The following IL16 variants were observed in gnomAD, a reference collection of about 807,000 sequenced individuals.
IL16 encodes the protein interleukin 16, also known as pro-interleukin-16.
A neutral mutation model predicts 110.1 loss-of-function variants in IL16; 67 were observed. The observed-to-expected ratio is 0.61, with a 90% CI of 0.50 to 0.75. The LOEUF is 0.75. Ranked by LOEUF, IL16 falls within the 30% of genes least tolerant of loss-of-function variation. The pLI is 0.00. For synonymous variants in IL16, 689 were observed against 662.9 expected (o/e 1.04, Z -0.61); for missense variants, 1,545 against 1,655.0 (o/e 0.93, Z 1.15).
At chr15:81,267,470 A>G (rs1898433194) in intron 4 of IL16, among the ~76,000 whole-genome samples, 1 of 127,196 alleles carries the variant, frequency 7.9e-6, no homozygotes, top group African/African-American at 3.3e-5. Flanking sequence ...ACGCAGACAC[A>G]CATACACAGA....
rs778809781 is a variant in IL16 at position 81,285,771 on chromosome 15, C to A, written c.1273C>A (p.Leu425Met). ...CLTLNEVYTI[L>M]SHCDPGPVPI... is the part of the protein sequence containing the mutation. ...GACGCTCAATGAAGTCTACACGATCCTGAGTCACTGTGATCCCGGTCCAGT... is the reference window on the plus strand; with the variant it reads ...GACGCTCAATGAAGTCTACACGATCATGAGTCACTGTGATCCCGGTCCAGT... Residue 425 changes from leucine (L) to methionine (M), a missense_variant, in exon 10 of 19, where the codon CTG becomes ATG. This residue lies in a region of IL16 where 1,185 missense variants were observed against 1,238.8 expected (regional missense o/e 0.96). Transcript: ENST00000683961. 6.2e-7 allele frequency: 1 copy of A among 1,614,148 alleles called. No individual in the cohort carries two copies. The highest frequency in any genetic ancestry group is 8.5e-7 in the Non-Finnish European group (1 of 1,179,984).
chr15:81,305,972 T>A lies in IL16; in HGVS notation c.3485T>A (p.Val1162Asp). The A allele has an allele frequency of 5.6e-6, 9 of 1,614,102 alleles. No individual in the cohort carries two copies. The highest frequency in any genetic ancestry group is 6.8e-6 in the Non-Finnish European group (8 of 1,180,016). The change falls in exon 17 of 19, where the codon GTT (valine) becomes GAT (aspartate). Residue 1162 changes from valine (V) to aspartate (D), a missense_variant. Around this residue, in one of 3 missense-constraint regions of IL16, gnomAD observed 356 missense variants for 399.3 expected, o/e 0.89. Coordinates refer to ENST00000683961, the MANE Select transcript of IL16 (RefSeq NM_172217.5). ...GGGACTATTCAGAAGGGCAATGAGG[T>A]TCTTTCCATCAACGGCAAGTCTCTC... ...QEGTIQKGNE[V>D]LSINGKSLKG...
In IL16 at chr15:81,313,329, T is replaced by G. The variant is rs867826017; in HGVS notation, c.*4531T>G. ...GGTCATGCTGCGGGGGAAGAAGGAGTCCACCACGTTCTGTGGGAGGTAACC... is the reference window on the plus strand; with the variant it reads ...GGTCATGCTGCGGGGGAAGAAGGAGGCCACCACGTTCTGTGGGAGGTAACC... On this transcript the variant is annotated 3_prime_UTR_variant, in exon 19 of 19. Transcript: ENST00000683961. 1.3e-6 allele frequency: 2 copies of G among 1,577,714 alleles called. No individual in the cohort carries two copies. The highest frequency in any genetic ancestry group is 3.3e-4 in the Middle Eastern group (2 of 5,996).
Position 81,313,598 on chromosome 15 carries a change from G to C in IL16, c.*4800G>C. The stretch of plus-strand genomic sequence containing the variant: ...TCAGGATGGAAACCCATCCTGTCGG[G>C]GATGCATTCCACAGCCTCTCCCGGC... On this transcript the variant is annotated 3_prime_UTR_variant, in exon 19 of 19. Transcript: ENST00000683961. 1 of 418,504 alleles carries C rather than the reference G, an allele frequency of 2.4e-6. No individual in the cohort carries two copies. Among genetic ancestry groups the C allele is most frequent in the Non-Finnish European group, 4.1e-6 (1 of 246,486 alleles). 25.9% of individuals were successfully genotyped at this position (418,504 alleles called of 1,614,324 possible).
chr15:81,301,470 ACTC>A lies in IL16; in HGVS notation c.3277_3279del (p.Leu1093del), dbSNP rs1555424436. 6.2e-7 allele frequency: 1 copy of A among 1,613,954 alleles called. No homozygotes were observed. Among genetic ancestry groups the A allele is most frequent in the Non-Finnish European group, 8.5e-7 (1 of 1,180,012 alleles). ...TGCTGAGCTCAGAAGAATTAAAAAAACTCATCGAGGAGGTGAAGGTTCTGGATG... is the reference window on the plus strand; with the variant it reads ...TGCTGAGCTCAGAAGAATTAAAAAAAATCGAGGAGGTGAAGGTTCTGGATG... On this transcript the variant is annotated inframe_deletion, in exon 15 of 19. Transcript: ENST00000683961.
chr15:81,288,062 A>G (rs1263156287), intron 10 of IL16, among the ~76,000 whole-genome samples: 1 of 152,236 alleles, frequency 6.6e-6, no homozygotes, highest in East Asian at 1.9e-4. Context: ...GAGAGGCCAC[A>G]GAGGTGAGGG....
chr15:81,203,996 C>G lies in IL16; in HGVS notation c.-102+6844C>G, dbSNP rs1267316921. Among the ~76,000 whole-genome samples, 550 of 151,106 alleles carry G rather than the reference C, an allele frequency of 3.6e-3. 1 individual carries two copies. The highest frequency in any genetic ancestry group is 9.1e-3 in the African/African-American group (373 of 41,096). On this transcript the variant is annotated intron_variant, in intron 1 of 18. Coordinates refer to ENST00000683961, the MANE Select transcript of IL16 (RefSeq NM_172217.5). ...ATTTGTTTGTATCCTCTTTTATTTC[C>G]TTGAGCAGTGGTTTGTAGTTCTCCT...
intron 2 of IL16, among the ~76,000 whole-genome samples, chr15:81,237,245 C>T (rs531303587): frequency 6.6e-6 from 1 of 152,274 alleles, no homozygotes; most frequent in African/African-American, 2.4e-5. Context: ...ATCCTGCACC[C>T]TTAGTTTCCA....
At position 81,309,103 on chromosome 15, in the gene IL16, T is replaced by C. The variant is rs116673510; in HGVS notation, c.*305T>C. The C allele has an allele frequency of 1.5e-3, 448 of 293,274 alleles. 2 individuals carry two copies. Among genetic ancestry groups the C allele is most frequent in the African/African-American group, 9.2e-3 (424 of 46,006 alleles). The allele number at this position is 293,274 out of a possible 1,614,324, so 18.2% of individuals were successfully genotyped here. ...TTATTAGAATTTCATATGACATTCA[T>C]GCCTGGCTTCGCAAAATGTTTCAAG... is the stretch of plus-strand genomic sequence containing the variant. On this transcript the variant is annotated 3_prime_UTR_variant, in exon 19 of 19. Coordinates refer to ENST00000683961, the MANE Select transcript of IL16 (RefSeq NM_172217.5).
intron 4 of IL16, among the ~76,000 whole-genome samples, chr15:81,267,222 C>A (rs560874636): frequency 6.6e-6 from 1 of 152,220 alleles, no homozygotes; most frequent in African/African-American, 2.4e-5. Flanking sequence ...ACCTGGCCAG[C>A]AGGGATGGGC....
At chr15:81,284,246 C>T (rs1340572033) in intron 9 of IL16, among the ~76,000 whole-genome samples, 1 of 152,182 alleles carries the variant, frequency 6.6e-6, no homozygotes, top group Non-Finnish European at 1.5e-5. Flanking sequence ...TATCATCTCT[C>T]ACTGGTTTTG....
intron 2 of IL16, among the ~76,000 whole-genome samples, chr15:81,243,143 G>GTGTATATATATATATA (rs1897393685): frequency 2.1e-5 from 1 of 47,244 alleles, no homozygotes; most frequent in Non-Finnish European, 3.6e-5. Flanking sequence ...AGCTATATAA[G>GTGTATATATATATATA]TATATATATA....
At chr15:81,218,021 T>C (rs960552169) in intron 1 of IL16, among the ~76,000 whole-genome samples, 10 of 152,156 alleles carry the variant, frequency 6.6e-5, no homozygotes, top group Non-Finnish European at 1.2e-4. Flanking sequence ...CTAGAAACTT[T>C]AGTCAGTAAA....
intron 2 of IL16, 121 bp downstream of exon 2, chr15:81,225,832 A>T (rs2142039668): frequency 9.9e-7 from 1 of 1,013,644 alleles, no homozygotes; most frequent in East Asian, 2.6e-5. Flanking sequence ...TCTGAAAGAG[A>T]GCAAGAAAAA....
intron 13 of IL16, 108 bp from the exon 14 acceptor site, chr15:81,299,270 AAT>A: frequency 6.3e-7 from 1 of 1,584,696 alleles, no homozygotes; most frequent in Non-Finnish European, 8.6e-7. Context: ...CACTTCTGCT[AAT>A]CTCCTCCTCT....
chr15:81,194,985 T>C (rs762072693), upstream of IL16, among the ~76,000 whole-genome samples: 1 of 152,098 alleles, frequency 6.6e-6, no homozygotes, highest in Non-Finnish European at 1.5e-5. Context: ...TGGCTTGCAG[T>C]GAGCTGGACT....
intron 1 of IL16, among the ~76,000 whole-genome samples, chr15:81,206,655 A>G (rs1453999088): frequency 4.6e-5 from 7 of 152,204 alleles, no homozygotes; most frequent in African/African-American, 1.4e-4. Context: ...ATTTTCTAAT[A>G]AAAAATTGTA....
intron 2 of IL16, among the ~76,000 whole-genome samples, chr15:81,227,948 G>T (rs1273361153): frequency 1.3e-5 from 2 of 152,120 alleles, no homozygotes; most frequent in Non-Finnish European, 2.9e-5. Flanking sequence ...TGAGCACCTG[G>T]GGGTAGTAGG....
chr15:81,250,320 C>A (rs1897723936), intron 2 of IL16, among the ~76,000 whole-genome samples: 1 of 152,162 alleles, frequency 6.6e-6, no homozygotes, highest in African/African-American at 2.4e-5. Flanking sequence ...CAGGCATGAG[C>A]CACCACTCCT....
Sources: allele counts gnomAD v4.1 joint callset (sites outside exome capture counted in the v4.1 genomes callset), GRCh38; gene constraint gnomAD v4.1.1; regional missense constraint gnomAD v4.1.1; transcripts MANE v1.5; gene names NCBI Gene and HGNC (gene_info 2026-07-23, HGNC 2026-07-21).